The following GLCE variants were observed in gnomAD, a reference collection of about 807,000 sequenced individuals.
GLCE encodes the protein glucuronic acid epimerase.
In GLCE, 19 loss-of-function variants were observed where a neutral mutation model predicts 47.9. That is an observed-to-expected ratio of 0.40 (90% confidence interval 0.28 to 0.58). The LOEUF is 0.58. Ranked by LOEUF, GLCE falls within the 20% of genes least tolerant of loss-of-function variation. GLCE has a pLI of 0.48. For missense variants in GLCE, 556 were observed against 743.3 expected (o/e 0.75, Z 2.93); for synonymous variants, 245 against 263.4 (o/e 0.93, Z 0.68).
At chr15:69,256,856 A>G (rs2052932779) in intron 3 of GLCE, among the ~76,000 whole-genome samples, 1 of 152,208 alleles carries the variant, frequency 6.6e-6, no homozygotes, top group South Asian at 2.1e-4. Context: ...CTCTGGACTT[A>G]TACTGAACTC....
rs756494327 is a variant in GLCE at position 69,268,231 on chromosome 15, G to A, written c.841G>A (p.Gly281Ser). The A allele has an allele frequency of 1.2e-6, 2 of 1,600,128 alleles. No individual in the cohort carries two copies. The highest frequency in any genetic ancestry group is 8.5e-7 in the Non-Finnish European group (1 of 1,171,948). The change falls in exon 5 of 5, where the codon GGT (glycine) becomes AGT (serine). Residue 281 changes from glycine (G) to serine (S), a missense_variant. This residue lies in a region of GLCE where 74 missense variants were observed against 64.4 expected (regional missense o/e 1.15). Coordinates refer to ENST00000261858, the MANE Select transcript of GLCE (RefSeq NM_015554.3). ...ATTCTCCCCTACAGAAACCAGTGAAGGTGTATCCTTGCAACTGGGAAACAC... is the reference window on the plus strand; with the variant it reads ...ATTCTCCCCTACAGAAACCAGTGAAAGTGTATCCTTGCAACTGGGAAACAC... The part of the protein sequence containing the change: ...KQFIAPETSE[G>S]VSLQLGNTKD...
At chr15:69,256,562 T>C (rs1271448134) in intron 3 of GLCE, among the ~76,000 whole-genome samples, 170 bp downstream of exon 3, 1 of 152,228 alleles carries the variant, frequency 6.6e-6, no homozygotes, top group African/African-American at 2.4e-5. Context: ...ACTTTCTAGA[T>C]GCTATGACTT....
At chr15:69,258,724 A>G (rs1166321037) in intron 3 of GLCE, among the ~76,000 whole-genome samples, 2 of 152,130 alleles carry the variant, frequency 1.3e-5, no homozygotes, top group African/African-American at 4.8e-5. Context: ...ATCCTTTCTT[A>G]GTGTTACAAA....
intron 4 of GLCE, among the ~76,000 whole-genome samples, chr15:69,265,820 G>A (rs2140455948): frequency 6.6e-6 from 1 of 152,262 alleles, no homozygotes; most frequent in South Asian, 2.1e-4. Context: ...ATGGGTCATT[G>A]TTATCCAGTT....
intron 1 of GLCE, among the ~76,000 whole-genome samples, chr15:69,207,808 G>T (rs866572794): frequency 6.6e-6 from 1 of 151,984 alleles, no homozygotes; most frequent in Non-Finnish European, 1.5e-5. Context: ...ACTTAGCTCT[G>T]TTAGAAACTG....
chr15:69,222,697 T>G (rs536984784), intron 2 of GLCE, among the ~76,000 whole-genome samples: 24 of 152,354 alleles, frequency 1.6e-4, no homozygotes, highest in Non-Finnish European at 3.1e-4. Flanking sequence ...TAGTTGATAC[T>G]CTGGTCTATC....
At chr15:69,239,424 T>C (rs2052635535) in intron 2 of GLCE, among the ~76,000 whole-genome samples, 1 of 152,146 alleles carries the variant, frequency 6.6e-6, no homozygotes, top group Non-Finnish European at 1.5e-5. Flanking sequence ...TTTCTAGATA[T>C]ATTTTATATG....
chr15:69,226,532 G>T (rs1566961787), intron 2 of GLCE, among the ~76,000 whole-genome samples: 1 of 152,086 alleles, frequency 6.6e-6, no homozygotes, highest in Non-Finnish European at 1.5e-5. Flanking sequence ...AACAGCATAG[G>T]AATAATGGAG....
intron 1 of GLCE, among the ~76,000 whole-genome samples, chr15:69,187,267 A>C (rs561476139): frequency 6.6e-6 from 1 of 152,260 alleles, no homozygotes; most frequent in African/African-American, 2.4e-5. Context: ...TCTAAATGAA[A>C]AGACTTATCT....
intron 2 of GLCE, among the ~76,000 whole-genome samples, chr15:69,253,784 C>T (rs532358994): frequency 2.0e-5 from 3 of 152,158 alleles, no homozygotes; most frequent in African/African-American, 4.8e-5. Flanking sequence ...ACAAAGATCC[C>T]GGAAGAAATC....
intron 2 of GLCE, among the ~76,000 whole-genome samples, chr15:69,247,916 A>T (rs908834052): frequency 4.6e-5 from 7 of 152,346 alleles, no homozygotes; most frequent in Non-Finnish European, 4.4e-5. Context: ...ATTGAAGATC[A>T]CTGATCACAG....
intron 2 of GLCE, among the ~76,000 whole-genome samples, chr15:69,233,317 A>G (rs2052550546): frequency 6.6e-6 from 1 of 152,188 alleles, no homozygotes; most frequent in Non-Finnish European, 1.5e-5. Flanking sequence ...TGTGACTAAC[A>G]TGGAGAAAAG....
intron 1 of GLCE, among the ~76,000 whole-genome samples, chr15:69,170,619 A>G (rs1263391591): frequency 6.6e-6 from 1 of 152,204 alleles, no homozygotes; most frequent in Non-Finnish European, 1.5e-5. Context: ...TAGATGAATT[A>G]TGGAAACCAT....
chr15:69,167,696 A>G (rs574321044), intron 1 of GLCE, among the ~76,000 whole-genome samples: 1 of 152,340 alleles, frequency 6.6e-6, no homozygotes, highest in African/African-American at 2.4e-5. Flanking sequence ...TAACTTTAGC[A>G]GCTCAGAAGA....
chr15:69,252,153 T>G lies in GLCE; in HGVS notation c.-13-3641T>G, dbSNP rs529495903. 6.4e-4 allele frequency among the ~76,000 whole-genome samples: 97 copies of G among 152,316 alleles called. 1 individual carries two copies. Among genetic ancestry groups the G allele is most frequent in the African/African-American group, 2.3e-3 (95 of 41,552 alleles). On this transcript the variant is annotated intron_variant, in intron 2 of 4. Transcript: ENST00000261858. ...TAAGGATTATTGGAAGTTTTTAAAT[T>G]TGATTTTTCTTTATTTTCCCATCGT...
intron 1 of GLCE, among the ~76,000 whole-genome samples, chr15:69,173,945 C>T (rs1326331410): frequency 6.6e-6 from 1 of 152,184 alleles, no homozygotes; most frequent in Non-Finnish European, 1.5e-5. Flanking sequence ...GCAACCTCTG[C>T]TTCCTGGGCT....
At chr15:69,215,450 G>A (rs892193299) in intron 2 of GLCE, among the ~76,000 whole-genome samples, 9 of 151,764 alleles carry the variant, frequency 5.9e-5, no homozygotes, top group Admixed American at 6.6e-5. Context: ...ATATGTACAC[G>A]ATTTGCTTAT....
chr15:69,260,103 A>G (rs1373360786), intron 3 of GLCE, among the ~76,000 whole-genome samples: 3 of 152,208 alleles, frequency 2.0e-5, no homozygotes, highest in Non-Finnish European at 4.4e-5. Context: ...AAGGTAATCC[A>G]TTAATGAATT....
chr15:69,268,275 A>G lies in GLCE; in HGVS notation c.885A>G (p.Ser295=), dbSNP rs771911594. ...QLGNTKDFII[S]FDLKFLTNGS... The stretch of plus-strand genomic sequence containing the variant: ...GAAACACAAAAGATTTTATTATTTC[A>G]TTTGACCTCAAGTTCTTGACAAATG... The change falls in exon 5 of 5, where the codon TCA becomes TCG. Residue 295 remains serine (S), a synonymous_variant. Transcript: ENST00000261858. 3 of 1,611,970 alleles carry G rather than the reference A, an allele frequency of 1.9e-6. No individual in the cohort carries two copies. Among genetic ancestry groups the G allele is most frequent in the East Asian group, 2.2e-5 (1 of 44,890 alleles).
Sources: gnomAD v4.1 joint callset for allele counts (sites outside exome capture counted in the v4.1 genomes callset) on GRCh38, gnomAD v4.1.1 for gene constraint, gnomAD v4.1.1 regional missense constraint, MANE v1.5 for transcripts, NCBI Gene and HGNC (gene_info 2026-07-23, HGNC 2026-07-21) for gene names.